The following EXT1 variants were observed in gnomAD, a reference collection of about 807,000 sequenced individuals.
EXT1 encodes the protein exostosin glycosyltransferase 1, also known as exostosin-1.
A neutral mutation model predicts 82.5 loss-of-function variants in EXT1; 20 were observed. That is an observed-to-expected ratio of 0.24 (90% confidence interval 0.17 to 0.35). The LOEUF (loss-of-function observed/expected upper bound fraction) is 0.35. EXT1 is among the 10% of genes least tolerant of loss of function. EXT1 has a pLI of 1.00. For synonymous variants in EXT1, 348 were observed against 350.8 expected, an observed-to-expected ratio of 0.99 and a Z score of 0.09; for missense variants, 757 against 936.5, an observed-to-expected ratio of 0.81 and a Z score of 2.50.
chr8:117,809,237 A>ATATG (rs1379733072), intron 8 of EXT1, among the ~76,000 whole-genome samples: 5 of 132,132 alleles, frequency 3.8e-5, no homozygotes, highest in Non-Finnish European at 6.4e-5. Flanking sequence ...ATATATATAT[A>ATATG]TATATATTAT....
intron 1 of EXT1, among the ~76,000 whole-genome samples, chr8:117,966,363 A>G (rs1814810096): frequency 6.6e-6 from 1 of 152,236 alleles, no homozygotes; most frequent in Middle Eastern, 3.2e-3. Context: ...CAGCCATGTG[A>G]CAGACATGTC....
In EXT1 at chr8:117,834,607, A is replaced by G. The variant is rs532931310; in HGVS notation, c.1164+837T>C. 1.5e-3 allele frequency among the ~76,000 whole-genome samples: 106 copies of G among 72,128 alleles called. 2 individuals are homozygous for G. Among genetic ancestry groups the G allele is most frequent in the African/African-American group, 4.5e-3 (95 of 21,286 alleles). The allele number at this position is 72,128 out of a possible 152,430, so 47.3% of individuals were successfully genotyped here. ...GCGACAGAGTGAGACTCCATCTCAA[A>G]AAACACAAACACACACACATACACA... On this transcript the variant is annotated intron_variant, in intron 3 of 10. Transcript: ENST00000378204.
At chr8:117,800,223 C>G (rs570472421) in intron 10 of EXT1, among the ~76,000 whole-genome samples, 74 of 152,336 alleles carry the variant, frequency 4.9e-4, no homozygotes, top group African/African-American at 1.7e-3. Context: ...TCTAAAACCT[C>G]TCTTTGCACT....
At position 117,927,082 on chromosome 8, in the gene EXT1, A is replaced by G. The variant is rs114004868; in HGVS notation, c.963-89881T>C. Among the ~76,000 whole-genome samples the G allele has an allele frequency of 3.4e-3, 514 of 152,292 alleles. 3 individuals are homozygous for G. The highest frequency in any genetic ancestry group is 0.011 in the African/African-American group (468 of 41,556). ...GCACAGTAATAACTGTCCCCTACAT[A>G]AGAAAACCATTTATTTAAAATATCA... On this transcript the variant is annotated intron_variant, in intron 1 of 10. Coordinates refer to ENST00000378204, the MANE Select transcript of EXT1 (RefSeq NM_000127.3).
At chr8:117,874,189 T>C (rs541501995) in intron 1 of EXT1, among the ~76,000 whole-genome samples, 2 of 152,248 alleles carry the variant, frequency 1.3e-5, no homozygotes, top group East Asian at 3.9e-4. Flanking sequence ...ACAAAAAGGC[T>C]TTGGTAGAGT....
At chr8:117,974,118 T>G (rs1815019109) in intron 1 of EXT1, among the ~76,000 whole-genome samples, 1 of 152,222 alleles carries the variant, frequency 6.6e-6, no homozygotes, top group African/African-American at 2.4e-5. Flanking sequence ...TATTCTCATC[T>G]TCAAAAATAA....
At chr8:117,827,634 G>A (rs1812027724) in intron 4 of EXT1, among the ~76,000 whole-genome samples, 1 of 151,714 alleles carries the variant, frequency 6.6e-6, no homozygotes, top group African/African-American at 2.4e-5. Flanking sequence ...GGCCAACATG[G>A]TGAAACCCCA....
chr8:117,994,272 T>TAGAAAGA (rs1815492227), intron 1 of EXT1, among the ~76,000 whole-genome samples: 1 of 152,082 alleles, frequency 6.6e-6, no homozygotes, highest in Non-Finnish European at 1.5e-5. Flanking sequence ...CAAACACATC[T>TAGAAAGA]CAGGTTTAAA....
chr8:117,958,154 T>G (rs1814626088), intron 1 of EXT1, among the ~76,000 whole-genome samples: 1 of 152,120 alleles, frequency 6.6e-6, no homozygotes, highest in African/African-American at 2.4e-5. Flanking sequence ...TTCAAAGGTT[T>G]AGAAACTTAT....
At chr8:117,885,911 T>G (rs1394834956) in intron 1 of EXT1, among the ~76,000 whole-genome samples, 1 of 152,218 alleles carries the variant, frequency 6.6e-6, no homozygotes, top group Non-Finnish European at 1.5e-5. Context: ...CCCTTTGACC[T>G]TTAATCAAGG....
intron 9 of EXT1, 38 bp from the exon 10 acceptor site, chr8:117,804,931 A>C: frequency 6.2e-7 from 1 of 1,607,294 alleles, no homozygotes; most frequent in Non-Finnish European, 8.5e-7. Flanking sequence ...GGGGGCCATT[A>C]TCACATGATG....
intron 1 of EXT1, among the ~76,000 whole-genome samples, chr8:118,052,470 T>C (rs1162866144): frequency 6.6e-6 from 1 of 152,210 alleles, no homozygotes; most frequent in Non-Finnish European, 1.5e-5. Context: ...AGCAGTACAT[T>C]TAACAAGAAT....
chr8:117,915,049 G>A (rs1321480114), intron 1 of EXT1, among the ~76,000 whole-genome samples: 1 of 152,112 alleles, frequency 6.6e-6, no homozygotes, highest in African/African-American at 2.4e-5. Context: ...TTGAGGCTCA[G>A]GTGGGCATCA....
chr8:117,810,806 C>G (rs1263576280), intron 8 of EXT1, among the ~76,000 whole-genome samples: 1 of 152,154 alleles, frequency 6.6e-6, no homozygotes, highest in Non-Finnish European at 1.5e-5. Flanking sequence ...ACTGCATCAC[C>G]TGGTTGGGTT....
At chr8:117,825,647 A>G (rs559301133) in intron 4 of EXT1, among the ~76,000 whole-genome samples, 9 of 152,214 alleles carry the variant, frequency 5.9e-5, no homozygotes, top group African/African-American at 1.2e-4. Context: ...GTTATAGGTT[A>G]AAGTCATTCT....
At chr8:117,925,495 G>T (rs2129640688) in intron 1 of EXT1, among the ~76,000 whole-genome samples, 1 of 152,106 alleles carries the variant, frequency 6.6e-6, no homozygotes, top group South Asian at 2.1e-4. Context: ...TCACCTCACA[G>T]CACTTCTAAG....
intron 1 of EXT1, among the ~76,000 whole-genome samples, chr8:118,043,322 C>T (rs142766759): frequency 2.1e-3 from 315 of 152,322 alleles, no homozygotes; most frequent in African/African-American, 7.0e-3. Flanking sequence ...AACGAAGAGA[C>T]ACTTTATTCA....
intron 1 of EXT1, among the ~76,000 whole-genome samples, chr8:118,016,436 C>G (rs927054423): frequency 2.0e-5 from 3 of 152,156 alleles, no homozygotes; most frequent in Non-Finnish European, 2.9e-5. Context: ...GTTTGTGGTA[C>G]TTTGTTACAG....
chr8:118,098,758 C>CAA (rs3050886), intron 1 of EXT1, among the ~76,000 whole-genome samples: 26,209 of 127,792 alleles, frequency 0.21, 2,669 homozygotes, highest in Admixed American at 0.26. Flanking sequence ...GACTCTGTCT[C>CAA]AAAAAAAAAA....
Sources: allele counts gnomAD v4.1 joint callset (sites outside exome capture counted in the v4.1 genomes callset), GRCh38; gene constraint gnomAD v4.1.1; transcripts MANE v1.5; gene names NCBI Gene and HGNC (gene_info 2026-07-23, HGNC 2026-07-21).